TIPRL: variants seen among roughly 807,000 people sequenced by gnomAD.
The protein encoded by TIPRL is TIP41-like protein.
Under a neutral mutation model 32.3 loss-of-function variants are expected in TIPRL, and 10 were observed. That is an observed-to-expected ratio of 0.31 (90% CI 0.19 to 0.52). TIPRL has a LOEUF of 0.52. TIPRL is among the 20% of genes least tolerant of loss of function. The pLI, the probability that TIPRL is intolerant of heterozygous loss-of-function variation, is 0.96. For missense variants in TIPRL, 250 were observed against 328.1 expected, an observed-to-expected ratio of 0.76 and a Z score of 1.84; for synonymous variants, 100 against 114.0, an observed-to-expected ratio of 0.88 and a Z score of 0.78.
chr1:168,191,546 A>G lies in TIPRL; in HGVS notation c.516+46A>G, dbSNP rs1178316481. On this transcript the variant is annotated intron_variant, in intron 4 of 6. Coordinates refer to ENST00000367833, the MANE Select transcript of TIPRL (RefSeq NM_152902.5). ...AAATTAATATTTTTCTTGCATTCTT[A>G]ACATCAGACAAAAATATGACTCACT... 6 of 1,374,606 alleles carry G rather than the reference A, an allele frequency of 4.4e-6. No individual in the cohort carries two copies. The African/African-American group carries it at 7.7e-5, about 18-fold the overall frequency. The allele number at this position is 1,374,606 out of a possible 1,614,324, so 85.2% of individuals were successfully genotyped here.
At chr1:168,181,821 G>T (rs1271383326) in intron 1 of TIPRL, among the ~76,000 whole-genome samples, 1 of 151,662 alleles carries the variant, frequency 6.6e-6, no homozygotes, top group African/African-American at 2.4e-5. Flanking sequence ...AGCACTTTGG[G>T]AGGCTGAGGC....
chr1:168,191,176 A>T (rs1378182539), intron 3 of TIPRL, among the ~76,000 whole-genome samples, 193 bp from the exon 4 acceptor site: 1 of 152,186 alleles, frequency 6.6e-6, no homozygotes, highest in African/African-American at 2.4e-5. Context: ...GGCATCTGTA[A>T]TGTCTTCAGT....
At position 168,191,372 on chromosome 1, in the gene TIPRL, G is replaced by A. The variant is rs372428067; in HGVS notation, c.388G>A (p.Val130Ile). 4.0e-6 allele frequency: 6 copies of A among 1,517,152 alleles called. No homozygotes were observed. The African/African-American group carries it at 7.3e-5, about 19-fold the overall frequency. The allele number at this position is 1,517,152 out of a possible 1,614,324, so 94.0% of individuals were successfully genotyped here. ...LLGESLKLKV[V>I]PTTDHIDTEK... ...TCTTTAAAATTTTTTCTTTCAGGTT[G>A]TACCTACAACAGATCATATAGATAC... Residue 130 changes from valine (V) to isoleucine (I), a missense_variant, in exon 4 of 7, where the codon GTA becomes ATA. Val to Ile is a conservative substitution (Grantham distance 29). Coordinates refer to ENST00000367833, the MANE Select transcript of TIPRL (RefSeq NM_152902.5).
intron 3 of TIPRL, among the ~76,000 whole-genome samples, chr1:168,187,091 A>G (rs893211487): frequency 2.6e-5 from 4 of 152,238 alleles, no homozygotes; most frequent in African/African-American, 7.2e-5. Context: ...TATGCCAGGC[A>G]CTAATGCTAG....
At chr1:168,192,312 C>T in intron 4 of TIPRL, 3 of 987,098 alleles carry the variant, frequency 3.0e-6, no homozygotes, top group Non-Finnish European at 2.6e-6. Flanking sequence ...CACCACTGCA[C>T]TCCAGCCCTC....
chr1:168,189,613 G>A (rs989985491), intron 3 of TIPRL, among the ~76,000 whole-genome samples: 6 of 152,098 alleles, frequency 3.9e-5, no homozygotes, highest in Non-Finnish European at 5.9e-5. Flanking sequence ...CCAAAGTGCT[G>A]GGATTATAGG....
chr1:168,187,470 T>C (rs1170892292), intron 3 of TIPRL, among the ~76,000 whole-genome samples: 1 of 152,228 alleles, frequency 6.6e-6, no homozygotes, highest in African/African-American at 2.4e-5. Flanking sequence ...CTTCAGCCTA[T>C]AATGTGATTT....
Position 168,179,020 on chromosome 1 carries a change from TCGC to T in TIPRL, c.-48_-46del. On this transcript the variant is annotated 5_prime_UTR_variant, in exon 1 of 7. Coordinates refer to ENST00000367833, the MANE Select transcript of TIPRL (RefSeq NM_152902.5). ...CGGAGGGAGGCGGAGGAACCGGTGT[TCGC>T]CGCCGCCGCTGCTTCAGCTTATTCC... is the stretch of plus-strand genomic sequence containing the variant. The T allele has an allele frequency of 5.4e-6, 8 of 1,491,806 alleles. No individual in the cohort carries two copies. Among genetic ancestry groups the T allele is most frequent in the South Asian group, 1.2e-5 (1 of 83,904 alleles). The allele number at this position is 1,491,806 out of a possible 1,614,324, so 92.4% of individuals were successfully genotyped here. A position where few individuals can be genotyped will look rare whatever the true frequency, so the allele number is the denominator to read the frequency against.
intron 1 of TIPRL, among the ~76,000 whole-genome samples, chr1:168,180,371 T>A (rs1361222162): frequency 6.6e-6 from 1 of 152,082 alleles, no homozygotes; most frequent in Non-Finnish European, 1.5e-5. Flanking sequence ...GAGGATGAGT[T>A]TAGTTTATTG....
At chr1:168,199,041 A>G in intron 6 of TIPRL, 60 bp downstream of exon 6, 6 of 1,354,902 alleles carry the variant, frequency 4.4e-6, no homozygotes, top group Non-Finnish European at 6.2e-6. Flanking sequence ...TAATTTAAGT[A>G]GCATATACCC....
chr1:168,183,745 G>GA (rs1402955719), intron 1 of TIPRL, among the ~76,000 whole-genome samples, 157 bp from the exon 2 acceptor site: 1 of 152,270 alleles, frequency 6.6e-6, no homozygotes, highest in East Asian at 1.9e-4. Flanking sequence ...AATGGATGAT[G>GA]AAAGCATTTT....
intron 2 of TIPRL, among the ~76,000 whole-genome samples, chr1:168,184,467 A>C (rs1157076877): frequency 1.3e-5 from 2 of 152,166 alleles, no homozygotes; most frequent in African/African-American, 2.4e-5. Flanking sequence ...TTTTTCTTTG[A>C]TAGTCAAATC....
At chr1:168,189,025 G>A (rs1456331523) in intron 3 of TIPRL, among the ~76,000 whole-genome samples, 2 of 152,042 alleles carry the variant, frequency 1.3e-5, no homozygotes, top group African/African-American at 4.8e-5. Context: ...GCTCTTTAGG[G>A]TGTCATCTCT....
intron 1 of TIPRL, among the ~76,000 whole-genome samples, chr1:168,183,504 A>G (rs145371541): frequency 6.6e-6 from 1 of 150,688 alleles, no homozygotes; most frequent in Non-Finnish European, 1.5e-5. Flanking sequence ...TTTTTTCATC[A>G]CCACGTTTTG....
intron 1 of TIPRL, among the ~76,000 whole-genome samples, chr1:168,183,645 TATA>T (rs1337032161): frequency 7.2e-5 from 11 of 152,184 alleles, no homozygotes; most frequent in Non-Finnish European, 1.5e-4. Context: ...TGCTATATAT[TATA>T]GTAGTATAAT....
At chr1:168,197,468 T>C (rs1488281823) in intron 5 of TIPRL, among the ~76,000 whole-genome samples, 11 of 152,124 alleles carry the variant, frequency 7.2e-5, no homozygotes, top group Non-Finnish European at 2.9e-5. Context: ...GGCAAAGTAC[T>C]AAACATAAGC....
rs376144479 is a variant in TIPRL at position 168,195,595 on chromosome 1, G to A, written c.517-952G>A. 6.6e-5 allele frequency among the ~76,000 whole-genome samples: 10 copies of A among 152,180 alleles called. No individual in the cohort carries two copies. In the East Asian group the frequency reaches 1.7e-3, roughly 26 times the overall value. ...ATTTTAATTAATTAATTAATTTTGGGACAGGGTCTTGCTCTGTTGCCCAGG... is the reference window on the plus strand; with the variant it reads ...ATTTTAATTAATTAATTAATTTTGGAACAGGGTCTTGCTCTGTTGCCCAGG... On this transcript the variant is annotated intron_variant, in intron 4 of 6. Coordinates refer to ENST00000367833, the MANE Select transcript of TIPRL (RefSeq NM_152902.5).
At chr1:168,192,333 G>T (rs575319031) in intron 4 of TIPRL, 2 of 992,378 alleles carry the variant, frequency 2.0e-6, no homozygotes, top group East Asian at 8.7e-5. Context: ...CAGCCTGGGC[G>T]ACAGAGCAAG....
intron 6 of TIPRL, among the ~76,000 whole-genome samples, chr1:168,199,587 T>C (rs1017244876): frequency 6.6e-6 from 1 of 152,178 alleles, no homozygotes; most frequent in Non-Finnish European, 1.5e-5. Flanking sequence ...GACTACATGC[T>C]GTGCTCTAAC....
Sources: gnomAD v4.1 joint callset for allele counts (sites outside exome capture counted in the v4.1 genomes callset) on GRCh38, gnomAD v4.1.1 for gene constraint, MANE v1.5 for transcripts, NCBI Gene and HGNC (gene_info 2026-07-23, HGNC 2026-07-21) for gene names.